The following NALF1 variants were observed in gnomAD, a reference collection of about 807,000 sequenced individuals.
NALF1 encodes the protein family with sequence similarity 155 member A.
A neutral mutation model predicts 48.4 loss-of-function variants in NALF1; 3 were observed. The ratio of observed to expected loss-of-function variants is 0.06; its 90% confidence interval spans 0.03 to 0.16. The LOEUF (loss-of-function observed/expected upper bound fraction) is 0.16, where lower values mean the gene tolerates loss of function less well. Among genes scored for constraint, NALF1 ranks in the 10% least tolerant of loss-of-function variants. The pLI, the probability that NALF1 is intolerant of heterozygous loss-of-function variation, is 1.00. For synonymous variants in NALF1, 262 were observed against 245.7 expected, an observed-to-expected ratio of 1.07 and a Z score of -0.62; for missense variants, 526 against 571.5, an observed-to-expected ratio of 0.92 and a Z score of 0.81.
At chr13:107,524,328 G>A (rs1876354955) in intron 1 of NALF1, among the ~76,000 whole-genome samples, 1 of 152,078 alleles carries the variant, frequency 6.6e-6, no homozygotes, top group Non-Finnish European at 1.5e-5. Flanking sequence ...CAATAAAGAG[G>A]CCAGAGCAGA....
intron 1 of NALF1, among the ~76,000 whole-genome samples, chr13:107,594,026 G>T (rs1418001811): frequency 6.6e-6 from 1 of 151,900 alleles, no homozygotes; most frequent in Non-Finnish European, 1.5e-5. Flanking sequence ...TTTATCAAAA[G>T]CATGACATTA....
chr13:107,267,017 G>A (rs1369859853), intron 1 of NALF1, among the ~76,000 whole-genome samples: 6 of 152,126 alleles, frequency 3.9e-5, no homozygotes, highest in Non-Finnish European at 8.8e-5. Context: ...GTTCTCATCT[G>A]TTTTGTTTTA....
chr13:107,758,497 G>A (rs1269810622), intron 1 of NALF1, among the ~76,000 whole-genome samples: 9 of 152,192 alleles, frequency 5.9e-5, no homozygotes, highest in Admixed American at 6.5e-5. Context: ...TGAGGCGGGC[G>A]GATCATGAGG....
At chr13:107,218,711 T>G (rs1879929544) in intron 1 of NALF1, among the ~76,000 whole-genome samples, 1 of 152,186 alleles carries the variant, frequency 6.6e-6, no homozygotes, top group Non-Finnish European at 1.5e-5. Flanking sequence ...ACCCCATGGT[T>G]CAGGTCCTAA....
chr13:107,563,225 A>G (rs979132725), intron 1 of NALF1, among the ~76,000 whole-genome samples: 2 of 152,200 alleles, frequency 1.3e-5, no homozygotes, highest in African/African-American at 2.4e-5. Context: ...TTCACAGGGA[A>G]GCTCAGCTGT....
chr13:107,282,140 T>C (rs1486503330), intron 1 of NALF1, among the ~76,000 whole-genome samples: 1 of 152,112 alleles, frequency 6.6e-6, no homozygotes, highest in Non-Finnish European at 1.5e-5. Context: ...GTTGTAAACT[T>C]ATGTGGTATA....
intron 1 of NALF1, among the ~76,000 whole-genome samples, chr13:107,433,497 A>T (rs927484435): frequency 6.6e-6 from 1 of 152,138 alleles, no homozygotes; most frequent in Non-Finnish European, 1.5e-5. Context: ...TTTTAACTGG[A>T]AATACACTTC....
At position 107,361,920 on chromosome 13, in the gene NALF1, G is replaced by A. The variant is rs141822644; in HGVS notation, c.916-151165C>T. On this transcript the variant is annotated intron_variant, in intron 1 of 2. Transcript: ENST00000375915. ...ATGGAGGGTGAGTAAAAGAGGAGGC[G>A]TGAAGCATTTAAAAGCCAGTGTATG... Among the ~76,000 whole-genome samples the A allele has an allele frequency of 4.4e-3, 674 of 152,228 alleles. 5 individuals are homozygous for A. The highest frequency in any genetic ancestry group is 0.015 in the African/African-American group (626 of 41,536).
At chr13:107,379,416 A>T (rs1883393332) in intron 1 of NALF1, among the ~76,000 whole-genome samples, 1 of 152,188 alleles carries the variant, frequency 6.6e-6, no homozygotes, top group Non-Finnish European at 1.5e-5. Flanking sequence ...GTTTCTACAA[A>T]GTCAAAATGC....
intron 1 of NALF1, among the ~76,000 whole-genome samples, chr13:107,630,956 C>G (rs549876649): frequency 1.5e-3 from 223 of 152,170 alleles, no homozygotes; most frequent in African/African-American, 5.1e-3. Context: ...GAAATATTCT[C>G]TTATGTTGGA....
intron 1 of NALF1, among the ~76,000 whole-genome samples, chr13:107,856,050 T>C (rs1880434538): frequency 6.6e-6 from 1 of 152,094 alleles, no homozygotes; most frequent in Non-Finnish European, 1.5e-5. Context: ...GACACAGGTA[T>C]GCACCACCAT....
chr13:107,442,025 A>G (rs1884568115), intron 1 of NALF1, among the ~76,000 whole-genome samples: 1 of 152,250 alleles, frequency 6.6e-6, no homozygotes, highest in Non-Finnish European at 1.5e-5. Context: ...TATTTTTAAG[A>G]GAGCCAAAAT....
chr13:107,864,489 G>T (rs1323128168), intron 1 of NALF1, among the ~76,000 whole-genome samples: 9 of 152,162 alleles, frequency 5.9e-5, no homozygotes, highest in Non-Finnish European at 1.3e-4. Flanking sequence ...CCAGCAGAAC[G>T]CAAGTGAGAC....
rs548189233 is a variant in NALF1, at chr13:107,781,903, A to T, written c.915+83779T>A. ...GTATAGTCTGTTGAATGAATAAATG[A>T]ACCAAACACTGTTTTGTTATTGTTT... On this transcript the variant is annotated intron_variant, in intron 1 of 2. Transcript: ENST00000375915. 7.9e-5 allele frequency among the ~76,000 whole-genome samples: 12 copies of T among 152,336 alleles called. No homozygotes were observed. The South Asian group carries it at 1.4e-3, about 18-fold the overall frequency.
At chr13:107,451,129 C>T (rs1423785294) in intron 1 of NALF1, among the ~76,000 whole-genome samples, 1 of 152,158 alleles carries the variant, frequency 6.6e-6, no homozygotes, top group Admixed American at 6.5e-5. Context: ...CAGCAAAAGC[C>T]GGGTCAGAGC....
intron 1 of NALF1, among the ~76,000 whole-genome samples, chr13:107,619,986 T>C (rs1202009747): frequency 6.6e-6 from 1 of 152,236 alleles, no homozygotes; most frequent in Non-Finnish European, 1.5e-5. Context: ...GAAACAGGTG[T>C]CCTCTTTTTT....
chr13:107,622,873 T>C (rs1271668296), intron 1 of NALF1, among the ~76,000 whole-genome samples: 2 of 151,880 alleles, frequency 1.3e-5, no homozygotes, highest in African/African-American at 4.8e-5. Context: ...ATCTACGGAG[T>C]TTTCTATCAA....
At chr13:107,217,480 AT>A (rs1461920682) in intron 1 of NALF1, among the ~76,000 whole-genome samples, 1 of 152,114 alleles carries the variant, frequency 6.6e-6, no homozygotes, top group Non-Finnish European at 1.5e-5. Flanking sequence ...CATCCTCGTG[AT>A]TCAATTGTAG....
chr13:107,686,628 T>C (rs9520551), intron 1 of NALF1, among the ~76,000 whole-genome samples: 47,347 of 151,740 alleles, frequency 0.31, 7,633 homozygotes, highest in East Asian at 0.43. Context: ...TCTTGGAAAA[T>C]AGGTCACATT....
Sources: gnomAD v4.1 joint callset for allele counts (sites outside exome capture counted in the v4.1 genomes callset) on GRCh38, gnomAD v4.1.1 for gene constraint, MANE v1.5 for transcripts, NCBI Gene and HGNC (gene_info 2026-07-23, HGNC 2026-07-21) for gene names.